The following ENO4 variants were observed in gnomAD, a reference collection of about 807,000 sequenced individuals.
The protein encoded by ENO4 is 2-phospho-D-glycerate hydro-lyase.
A neutral mutation model predicts 63.2 loss-of-function variants in ENO4; 53 were observed. The observed-to-expected ratio is 0.84, with a 90% CI of 0.67 to 1.05. The LOEUF (loss-of-function observed/expected upper bound fraction) is 1.05. Ranked by LOEUF, ENO4 falls within the 50% of genes least tolerant of loss-of-function variation. The probability of loss-of-function intolerance (pLI) is 0.00; values close to 1 mark genes in which losing one functional copy is unlikely to be tolerated. For missense variants in ENO4, 719 were observed against 772.0 expected, an observed-to-expected ratio of 0.93 and a Z score of 0.81; for synonymous variants, 266 against 283.8, an observed-to-expected ratio of 0.94 and a Z score of 0.63.
At chr10:116,887,196 G>A (rs1166278304), downstream of ENO4, among the ~76,000 whole-genome samples, 1 of 152,190 alleles carries the variant, frequency 6.6e-6, no homozygotes, top group Non-Finnish European at 1.5e-5. Flanking sequence ...TCTAAAAGGA[G>A]AATCAGGTTT....
intron 8 of ENO4, 142 bp downstream of exon 8, chr10:116,868,848 C>A: frequency 1.4e-6 from 1 of 736,694 alleles, no homozygotes; most frequent in Non-Finnish European, 2.3e-6. Context: ...GCTCCAGACA[C>A]CCCCAGAGCT....
intron 3 of ENO4, among the ~76,000 whole-genome samples, chr10:116,857,244 T>G (rs1313268106): frequency 6.6e-6 from 1 of 152,196 alleles, no homozygotes; most frequent in Non-Finnish European, 1.5e-5. Context: ...AGTAAAAAGC[T>G]TCTCAGAAAA....
chr10:116,878,872 T>C (rs1846915968), intron 11 of ENO4, among the ~76,000 whole-genome samples: 1 of 150,828 alleles, frequency 6.6e-6, no homozygotes, highest in African/African-American at 2.4e-5. Flanking sequence ...GCCTCGCGAG[T>C]AGCTGGGACT....
At chr10:116,887,567 C>G (rs1403791937), downstream of ENO4, among the ~76,000 whole-genome samples, 1 of 152,184 alleles carries the variant, frequency 6.6e-6, no homozygotes, top group Non-Finnish European at 1.5e-5. Flanking sequence ...ACTGCTCTAC[C>G]AGCCCCTCAC....
At chr10:116,849,894 G>A (rs1846019383) in intron 1 of ENO4, 163 bp downstream of exon 1, 2 of 838,754 alleles carry the variant, frequency 2.4e-6, no homozygotes, top group Non-Finnish European at 2.0e-6. Flanking sequence ...GAAGGAGCGG[G>A]AAGGACACCC....
At chr10:116,905,564 A>G (rs1028018494) in intron 10 of ENO4, among the ~76,000 whole-genome samples, 2 of 152,212 alleles carry the variant, frequency 1.3e-5, no homozygotes, top group African/African-American at 4.8e-5. Flanking sequence ...CTTTGGGTTC[A>G]AGGAATCAAT....
intron 1 of ENO4, among the ~76,000 whole-genome samples, chr10:116,854,863 C>T (rs1269461715): frequency 4.3e-5 from 6 of 138,938 alleles, no homozygotes; most frequent in African/African-American, 1.6e-4. Flanking sequence ...ATCACTTGAG[C>T]CTGGGAAGTT....
chr10:116,902,149 A>G (rs1847766140), intron 10 of ENO4, among the ~76,000 whole-genome samples: 1 of 152,212 alleles, frequency 6.6e-6, no homozygotes, highest in African/African-American at 2.4e-5. Flanking sequence ...TCAATCTACC[A>G]GGACCACGCT....
intron 10 of ENO4, among the ~76,000 whole-genome samples, chr10:116,875,770 G>A (rs1846815857): frequency 6.6e-6 from 1 of 152,096 alleles, no homozygotes; most frequent in Non-Finnish European, 1.5e-5. Flanking sequence ...AGACAAGAGT[G>A]GATGGGAATA....
chr10:116,911,458 C>T (rs573618445), intron 10 of ENO4: 3 of 1,547,482 alleles, frequency 1.9e-6, no homozygotes, highest in South Asian at 2.4e-5. Context: ...TATTATATTT[C>T]TGTTTTTCAT....
intron 2 of ENO4, 85 bp from the exon 3 acceptor site, chr10:116,856,407 C>A: frequency 9.1e-7 from 1 of 1,097,774 alleles, no homozygotes; most frequent in Non-Finnish European, 1.3e-6. Flanking sequence ...GGTAAAATTT[C>A]ATGCATGTTA....
chr10:116,900,648 T>G (rs745416949), intron 10 of ENO4: 9 of 1,504,486 alleles, frequency 6.0e-6, no homozygotes, highest in Non-Finnish European at 8.0e-6. Flanking sequence ...TTGGTTCAAA[T>G]GTAGCCAGAT....
chr10:116,863,558 C>A (rs1213824643), intron 7 of ENO4, among the ~76,000 whole-genome samples: 1 of 152,180 alleles, frequency 6.6e-6, no homozygotes, highest in African/African-American at 2.4e-5. Flanking sequence ...TTTTTCTGTT[C>A]TAGGATCCAA....
At chr10:116,875,452 C>CG (rs779635801) in intron 10 of ENO4, among the ~76,000 whole-genome samples, 19 of 152,024 alleles carry the variant, frequency 1.2e-4, no homozygotes, top group Non-Finnish European at 2.6e-4. Context: ...CTCAAGCCAT[C>CG]TTCCTACCTC....
intron 1 of ENO4, among the ~76,000 whole-genome samples, chr10:116,851,557 C>T (rs528958355): frequency 1.3e-5 from 2 of 152,336 alleles, no homozygotes; most frequent in African/African-American, 2.4e-5. Context: ...TAGTTTTGGC[C>T]GTGCTTACTC....
In ENO4 at chr10:116,878,817, C is replaced by T. The variant is rs538024271; in HGVS notation, c.1538-474C>T. Reference sequence around the variant, plus strand: ...GGAGTGCAGTGGCGCGATCTCAGCTCACTGCAAGCTCTGCCTCCCGGGTTC... The same window carrying T: ...GGAGTGCAGTGGCGCGATCTCAGCTTACTGCAAGCTCTGCCTCCCGGGTTC... On this transcript the variant is annotated intron_variant, in intron 11 of 13. Transcript: ENST00000341276. Among the ~76,000 whole-genome samples the T allele has an allele frequency of 3.4e-5, 5 of 145,474 alleles. No individual in the cohort carries two copies. The Admixed American group carries it at 3.7e-4, about 11-fold the overall frequency.
chr10:116,876,027 A>G, intron 10 of ENO4, 38 bp from the exon 11 acceptor site: 1 of 1,376,172 alleles, frequency 7.3e-7, no homozygotes. Context: ...AATTATGTTC[A>G]ATGCATTATA....
chr10:116,898,620 A>G (rs1847606556), intron 10 of ENO4, among the ~76,000 whole-genome samples: 1 of 152,194 alleles, frequency 6.6e-6, no homozygotes, highest in East Asian at 1.9e-4. Context: ...ATTAGATGGT[A>G]TATACTTATT....
chr10:116,875,223 T>G lies in ENO4; in HGVS notation c.1342-842T>G, dbSNP rs531276145. Among the ~76,000 whole-genome samples, 120 of 152,170 alleles carry G rather than the reference T, an allele frequency of 7.9e-4. 3 individuals carry two copies. The South Asian group carries it at 0.024, about 30-fold the overall frequency. ...TATAAATGCTGGTCCTGATGTGGAGTCCCAGGGTCTCAGTCACATCCTCCT... is the reference window on the plus strand; with the variant it reads ...TATAAATGCTGGTCCTGATGTGGAGGCCCAGGGTCTCAGTCACATCCTCCT... On this transcript the variant is annotated intron_variant, in intron 10 of 13. Coordinates refer to ENST00000341276, the MANE Select transcript of ENO4 (RefSeq NM_001242699.2).
Sources: allele counts gnomAD v4.1 joint callset (sites outside exome capture counted in the v4.1 genomes callset), GRCh38; gene constraint gnomAD v4.1.1; transcripts MANE v1.5; gene names NCBI Gene and HGNC (gene_info 2026-07-23, HGNC 2026-07-21).